The following DAB1 variants were observed in gnomAD, a reference collection of about 807,000 sequenced individuals.
DAB1 encodes the protein disabled homolog 1.
In DAB1, 15 loss-of-function variants were observed where a neutral mutation model predicts 64.6. That is an observed-to-expected ratio of 0.23 (90% CI 0.16 to 0.36). The LOEUF (loss-of-function observed/expected upper bound fraction) is 0.36. Among genes scored for constraint, DAB1 ranks in the 10% least tolerant of loss-of-function variants. The pLI is 1.00. For missense variants in DAB1, 596 were observed against 706.7 expected (o/e 0.84, Z 1.78); for synonymous variants, 235 against 251.9 (o/e 0.93, Z 0.64).
intron 6 of DAB1, among the ~76,000 whole-genome samples, chr1:57,813,589 G>T (rs1163759815): frequency 6.6e-6 from 1 of 152,192 alleles, no homozygotes; most frequent in Non-Finnish European, 1.5e-5. Flanking sequence ...GGAGGTCTAA[G>T]TCATGTTTAG....
At chr1:57,616,804 G>A (rs568439598) in intron 7 of DAB1, among the ~76,000 whole-genome samples, 201 of 152,118 alleles carry the variant, frequency 1.3e-3, no homozygotes, top group Non-Finnish European at 2.2e-3. Flanking sequence ...GCCAGAGTAG[G>A]AAAAGCATGA....
chr1:58,153,991 G>A (rs956671579), intron 4 of DAB1, among the ~76,000 whole-genome samples: 1 of 151,164 alleles, frequency 6.6e-6, no homozygotes, highest in African/African-American at 2.4e-5. Flanking sequence ...TATCTACCTT[G>A]GCAGCCTCAT....
chr1:58,220,720 T>C (rs1328186131), intron 4 of DAB1, among the ~76,000 whole-genome samples: 5 of 152,156 alleles, frequency 3.3e-5, no homozygotes, highest in Non-Finnish European at 7.3e-5. Context: ...AAAATGGAGA[T>C]AATGTTACCC....
chr1:57,704,890 C>CTTCCTTCCTTCCTTCCTTCCTTCT (rs1646948436), intron 6 of DAB1, among the ~76,000 whole-genome samples: 1 of 150,798 alleles, frequency 6.6e-6, no homozygotes. Context: ...TCCTTCCTTC[C>CTTCCTTCCTTCCTTCCTTCCTTCT]TTCCTTCCTT....
At chr1:57,026,612 G>A (rs1042216294) in intron 9 of DAB1, among the ~76,000 whole-genome samples, 2 of 152,166 alleles carry the variant, frequency 1.3e-5, no homozygotes, top group African/African-American at 2.4e-5. Flanking sequence ...TACAGAGAAT[G>A]CAGTCAAACA....
chr1:58,237,989 C>G (rs1043246659), intron 4 of DAB1, among the ~76,000 whole-genome samples: 6 of 152,174 alleles, frequency 3.9e-5, no homozygotes, highest in African/African-American at 7.2e-5. Context: ...TTATGTTTAA[C>G]TTGTCTGAAG....
intron 5 of DAB1, among the ~76,000 whole-genome samples, chr1:58,106,246 T>A (rs2100642079): frequency 6.6e-6 from 1 of 151,934 alleles, no homozygotes; most frequent in Middle Eastern, 3.4e-3. Context: ...GGTAGGATCA[T>A]GGCTCACTGC....
At chr1:58,301,494 A>AT (rs11433230) in intron 4 of DAB1, among the ~76,000 whole-genome samples, 17,949 of 150,178 alleles carry the variant, frequency 0.12, 1,730 homozygotes, top group African/African-American at 0.27. Context: ...TATTTTGCGA[A>AT]TTTTTTTTTT....
chr1:57,960,849 C>A (rs1367362023), intron 5 of DAB1, among the ~76,000 whole-genome samples: 3 of 152,266 alleles, frequency 2.0e-5, no homozygotes, highest in African/African-American at 7.2e-5. Flanking sequence ...AGACCCCAGC[C>A]TCAACCCTTA....
chr1:58,220,042 T>C (rs1659075183), intron 4 of DAB1, among the ~76,000 whole-genome samples: 1 of 152,268 alleles, frequency 6.6e-6, no homozygotes, highest in African/African-American at 2.4e-5. Context: ...ATAACAGAAG[T>C]GACACTGCCT....
intron 6 of DAB1, among the ~76,000 whole-genome samples, chr1:57,741,653 C>T (rs369445574): frequency 5.3e-5 from 8 of 152,254 alleles, no homozygotes; most frequent in South Asian, 4.1e-4. Context: ...ACTTGCCAAA[C>T]GTTAGGTCTA....
chr1:58,410,476 C>T (rs1472768532), intron 3 of DAB1, among the ~76,000 whole-genome samples: 1 of 152,136 alleles, frequency 6.6e-6, no homozygotes, highest in African/African-American at 2.4e-5. Flanking sequence ...ATGACTTCTA[C>T]CACTGAATGC....
chr1:57,913,995 T>G (rs1644688119), intron 5 of DAB1, among the ~76,000 whole-genome samples: 2 of 152,178 alleles, frequency 1.3e-5, no homozygotes, highest in South Asian at 4.2e-4. Flanking sequence ...ACACTGTCGG[T>G]GGGACTGTAA....
At chr1:57,273,391 T>C (rs1671167115) in intron 2 of DAB1, among the ~76,000 whole-genome samples, 3 of 152,062 alleles carry the variant, frequency 2.0e-5, no homozygotes, top group Non-Finnish European at 4.4e-5. Flanking sequence ...AGGGCAGGAT[T>C]CTCAGGCAGG....
At chr1:57,221,164 A>T (rs886085356) in intron 2 of DAB1, among the ~76,000 whole-genome samples, 2 of 143,888 alleles carry the variant, frequency 1.4e-5, no homozygotes, top group African/African-American at 5.2e-5. Flanking sequence ...TTCAAACACC[A>T]CCTGTTCTCA....
intron 2 of DAB1, among the ~76,000 whole-genome samples, chr1:57,238,858 C>CAT (rs1416472093): frequency 1.8e-5 from 2 of 113,450 alleles, no homozygotes; most frequent in South Asian, 3.1e-4. Context: ...CACACACACA[C>CAT]ATACACACAC....
chr1:57,751,497 G>A (rs755981393), intron 6 of DAB1, among the ~76,000 whole-genome samples: 2 of 152,134 alleles, frequency 1.3e-5, no homozygotes, highest in Non-Finnish European at 2.9e-5. Flanking sequence ...AGTCCTTACA[G>A]TAAATCTGCT....
At chr1:58,002,030 TC>T (rs1396456085) in intron 5 of DAB1, among the ~76,000 whole-genome samples, 3 of 152,172 alleles carry the variant, frequency 2.0e-5, no homozygotes, top group Admixed American at 2.0e-4. Context: ...GAACAGATTC[TC>T]CTCCAAATTT....
chr1:57,068,610 C>G (rs1651153981), intron 8 of DAB1, among the ~76,000 whole-genome samples: 1 of 152,078 alleles, frequency 6.6e-6, no homozygotes, highest in African/African-American at 2.4e-5. Flanking sequence ...GACTACAATA[C>G]TAATGAGTGA....
Sources: gnomAD v4.1 joint callset for allele counts (sites outside exome capture counted in the v4.1 genomes callset) on GRCh38, gnomAD v4.1.1 for gene constraint, MANE v1.5 for transcripts, NCBI Gene and HGNC (gene_info 2026-07-23, HGNC 2026-07-21) for gene names.